ITGB2: variants seen among roughly 807,000 people sequenced by gnomAD.
ITGB2 encodes integrin beta-2.
Under a neutral mutation model 86.8 loss-of-function variants are expected in ITGB2, and 56 were observed. The observed-to-expected ratio is 0.65, with a 90% CI of 0.52 to 0.81. The LOEUF is 0.81. Ranked by LOEUF, ITGB2 falls within the 30% of genes least tolerant of loss-of-function variation. The probability of loss-of-function intolerance (pLI) is 0.00; values close to 1 mark genes in which losing one functional copy is unlikely to be tolerated. For synonymous variants in ITGB2, 457 were observed against 450.4 expected, an observed-to-expected ratio of 1.01 and a Z score of -0.19; for missense variants, 948 against 1,061.2, an observed-to-expected ratio of 0.89 and a Z score of 1.48.
intron 3 of ITGB2, among the ~76,000 whole-genome samples, chr21:44,907,342 A>C (rs911973732): frequency 6.6e-6 from 1 of 152,190 alleles, no homozygotes; most frequent in African/African-American, 2.4e-5. Context: ...CTCTAGCGGC[A>C]GAAAGGACTC....
chr21:44,904,655 A>G (rs550920076), intron 4 of ITGB2, among the ~76,000 whole-genome samples: 1 of 151,512 alleles, frequency 6.6e-6, no homozygotes, highest in East Asian at 1.9e-4. Flanking sequence ...ACATACACAC[A>G]CCAAACACAC....
At chr21:44,908,133 CG>C in intron 3 of ITGB2, 1 of 735,966 alleles carries the variant, frequency 1.4e-6, no homozygotes, top group Admixed American at 1.9e-5. Flanking sequence ...GCTTCTCCTC[CG>C]GGGACTGCTC....
chr21:44,886,245 G>T lies in ITGB2; in HGVS notation c.*123C>A. The T allele has an allele frequency of 1.0e-6, 1 of 994,258 alleles. No individual in the cohort carries two copies. Among genetic ancestry groups the T allele is most frequent in the Non-Finnish European group, 1.6e-6 (1 of 622,990 alleles). 61.6% of individuals were successfully genotyped at this position (994,258 alleles called of 1,614,324 possible). On this transcript the variant is annotated 3_prime_UTR_variant, in exon 16 of 16. Coordinates refer to ENST00000652462, the MANE Select transcript of ITGB2 (RefSeq NM_000211.5). ...GCCGGCCATGGCTGTCATTTTGAGG[G>T]CGGAAAATAACTGGATTTCTGGTTA...
chr21:44,915,845 C>T (rs893919544), intron 1 of ITGB2, among the ~76,000 whole-genome samples: 4 of 152,126 alleles, frequency 2.6e-5, no homozygotes, highest in East Asian at 1.9e-4. Flanking sequence ...CCTGCAAAAG[C>T]GTATTTTCCC....
At chr21:44,897,249 G>A (rs1460664129) in intron 8 of ITGB2, among the ~76,000 whole-genome samples, 1 of 152,248 alleles carries the variant, frequency 6.6e-6, no homozygotes, top group African/African-American at 2.4e-5. Context: ...GCCTGACAAT[G>A]GATCCCTGTA....
intron 4 of ITGB2, 36 bp from the exon 5 acceptor site, chr21:44,903,571 C>T: frequency 8.1e-6 from 13 of 1,612,434 alleles, no homozygotes; most frequent in Non-Finnish European, 1.1e-5. Context: ...AGCCACACCT[C>T]ACATCTCACA....
At chr21:44,921,731 T>G (rs2084308539), upstream of ITGB2, among the ~76,000 whole-genome samples, 3 of 152,204 alleles carry the variant, frequency 2.0e-5, no homozygotes, top group African/African-American at 7.2e-5. Context: ...ATGTTTTCAG[T>G]TTTTTTTGAG....
intron 14 of ITGB2, among the ~76,000 whole-genome samples, chr21:44,887,388 C>T (rs547039315): frequency 6.6e-5 from 10 of 152,270 alleles, no homozygotes; most frequent in South Asian, 4.1e-4. Flanking sequence ...CTGGTTCCCA[C>T]GGCAGCTGTG....
At chr21:44,915,516 C>A (rs78070573) in intron 1 of ITGB2, among the ~76,000 whole-genome samples, 1 of 152,138 alleles carries the variant, frequency 6.6e-6, no homozygotes, top group Non-Finnish European at 1.5e-5. Flanking sequence ...TGGACGATGC[C>A]GCCAGGGGAC....
upstream of ITGB2, among the ~76,000 whole-genome samples, chr21:44,923,652 G>A (rs868242816): frequency 5.9e-5 from 9 of 152,254 alleles, no homozygotes; most frequent in African/African-American, 9.6e-5. Context: ...TTATTATTTC[G>A]CGGGTATAAA....
chr21:44,903,070 A>G (rs1453109478), intron 5 of ITGB2, among the ~76,000 whole-genome samples: 1 of 152,202 alleles, frequency 6.6e-6, no homozygotes, highest in African/African-American at 2.4e-5. Flanking sequence ...AATAATTGGC[A>G]CTGTCAGAAT....
At chr21:44,914,314 G>A (rs2084172123) in intron 1 of ITGB2, 1 of 152,498 alleles carries the variant, frequency 6.6e-6, no homozygotes, top group Non-Finnish European at 1.5e-5. Context: ...AGGAAGTGCT[G>A]GTGCAACCCC....
At chr21:44,908,561 C>T (rs1287180585) in intron 3 of ITGB2, among the ~76,000 whole-genome samples, 1 of 152,236 alleles carries the variant, frequency 6.6e-6, no homozygotes, top group East Asian at 1.9e-4. Flanking sequence ...TATCACAACC[C>T]TTTCATGTGG....
At chr21:44,904,177 C>T (rs1173524994) in intron 4 of ITGB2, among the ~76,000 whole-genome samples, 4 of 152,080 alleles carry the variant, frequency 2.6e-5, no homozygotes, top group Non-Finnish European at 5.9e-5. Context: ...CGAAGCCTGT[C>T]CCCTCTGCCC....
chr21:44,913,992 C>T (rs1044881657), intron 1 of ITGB2, among the ~76,000 whole-genome samples: 3 of 152,050 alleles, frequency 2.0e-5, no homozygotes, highest in Admixed American at 2.0e-4. Flanking sequence ...GCACAGACAC[C>T]CCCCACCCCA....
At chr21:44,912,804 A>AGGACTCCCCCAGGGTGCAGGGTCCAGCCG (rs2084153915) in intron 1 of ITGB2, among the ~76,000 whole-genome samples, 12 of 102,690 alleles carry the variant, frequency 1.2e-4, no homozygotes, top group Admixed American at 5.2e-4. Context: ...GGGTCCAGCC[A>AGGACTCCCCCAGGGTGCAGGGTCCAGCCG]GCTTCAGGAC....
At chr21:44,901,183 G>A (rs776942398) in intron 6 of ITGB2, among the ~76,000 whole-genome samples, 27 of 152,204 alleles carry the variant, frequency 1.8e-4, no homozygotes, top group Non-Finnish European at 3.5e-4. Context: ...CTGCTGCCTA[G>A]CGGCCCTGTT....
Position 44,891,919 on chromosome 21 carries a change from C to A in ITGB2, c.1302G>T (p.Thr434=). 6.2e-7 allele frequency: 1 copy of A among 1,613,434 alleles called. No individual in the cohort carries two copies. The highest frequency in any genetic ancestry group is 8.5e-7 in the Non-Finnish European group (1 of 1,179,994). ...GAAGAACCTGCACGGTCACTATGTC[C>A]GTGAAGCCCAGCGCCCGGATGACAA... The part of the protein sequence containing the change: ...QSFVIRALGF[T]DIVTVQVLPQ... The change falls in exon 11 of 16, where the codon ACG becomes ACT. Residue 434 remains threonine, a synonymous_variant. Coordinates refer to ENST00000652462, the MANE Select transcript of ITGB2 (RefSeq NM_000211.5).
chr21:44,896,630 G>A (rs1008901596), intron 8 of ITGB2, among the ~76,000 whole-genome samples: 10 of 151,952 alleles, frequency 6.6e-5, no homozygotes, highest in East Asian at 1.9e-4. Context: ...ACTTCCATCC[G>A]TCCCAGTCTG....
Sources: gnomAD v4.1 joint callset for allele counts (sites outside exome capture counted in the v4.1 genomes callset) on GRCh38, gnomAD v4.1.1 for gene constraint, MANE v1.5 for transcripts, NCBI Gene and HGNC (gene_info 2026-07-23, HGNC 2026-07-21) for gene names.